SLC43A2: variants seen among roughly 807,000 people sequenced by gnomAD.
SLC43A2 encodes the protein large neutral amino acids transporter small subunit 4.
A neutral mutation model predicts 63.2 loss-of-function variants in SLC43A2; 38 were observed. The observed-to-expected ratio is 0.60, with a 90% CI of 0.46 to 0.79. The LOEUF (loss-of-function observed/expected upper bound fraction) is 0.79. Ranked by LOEUF, SLC43A2 falls within the 30% of genes least tolerant of loss-of-function variation. The pLI is 0.00. For synonymous variants in SLC43A2, 322 were observed against 331.0 expected, an observed-to-expected ratio of 0.97 and a Z score of 0.30; for missense variants, 644 against 756.2, an observed-to-expected ratio of 0.85 and a Z score of 1.74.
chr17:1,570,846 G>C lies in SLC43A2; in HGVS notation c.*4758C>G, dbSNP rs374566059. On this transcript the variant is annotated 3_prime_UTR_variant, in exon 14 of 14. Coordinates refer to ENST00000301335, the MANE Select transcript of SLC43A2 (RefSeq NM_152346.3). ...ATGCGGGTCTTCACTGCGTATCCAC[G>C]TAGCTGCACCACGCAGGCATTCTTT... 6.6e-6 allele frequency: 1 copy of C among 152,284 alleles called. No homozygotes were observed. The highest frequency in any genetic ancestry group is 1.5e-5 in the Non-Finnish European group (1 of 68,102). The allele number at this position is 152,284 out of a possible 1,614,324, so 9.4% of individuals were successfully genotyped here.
Position 1,623,187 on chromosome 17 carries a change from G to A in SLC43A2, c.160+4528C>T, listed in dbSNP as rs1311701794. On this transcript the variant is annotated intron_variant, in intron 2 of 13. Coordinates refer to ENST00000301335, the MANE Select transcript of SLC43A2 (RefSeq NM_152346.3). ...CCACATCTGCAGCTTCACTCAGCCC[G>A]TGGGGATCAAGCCTGGGCCTGCTTC... Among the ~76,000 whole-genome samples the A allele has an allele frequency of 6.6e-5, 10 of 152,226 alleles. No individual in the cohort carries two copies. In the East Asian group the frequency reaches 7.7e-4, roughly 12 times the overall value.
At chr17:1,586,314 G>A (rs2076100674) in intron 9 of SLC43A2, among the ~76,000 whole-genome samples, 1 of 152,098 alleles carries the variant, frequency 6.6e-6, no homozygotes, top group African/African-American at 2.4e-5. Flanking sequence ...GTGTCACAAT[G>A]GCCTTCCCAG....
At chr17:1,586,932 C>G in intron 9 of SLC43A2, 3 of 1,330,018 alleles carry the variant, frequency 2.3e-6, no homozygotes, top group South Asian at 1.3e-5. Context: ...TGACAATCCC[C>G]CCCACCCCCC....
intron 2 of SLC43A2, among the ~76,000 whole-genome samples, chr17:1,620,848 C>A (rs1216171345): frequency 6.6e-6 from 1 of 152,072 alleles, no homozygotes; most frequent in Non-Finnish European, 1.5e-5. Flanking sequence ...GAGAGACAAA[C>A]AGATTAAGCA....
intron 4 of SLC43A2, among the ~76,000 whole-genome samples, chr17:1,613,729 G>C (rs185753153): frequency 6.6e-6 from 1 of 152,172 alleles, no homozygotes; most frequent in African/African-American, 2.4e-5. Context: ...AAGCCACCAT[G>C]CCCAGCCTCC....
Position 1,575,665 on chromosome 17 carries a change from T to A in SLC43A2, c.1649A>T (p.Gln550Leu). The A allele has an allele frequency of 1.9e-6, 3 of 1,614,014 alleles. No homozygotes were observed. Among genetic ancestry groups the A allele is most frequent in the Non-Finnish European group, 2.5e-6 (3 of 1,180,002 alleles). Residue 550 changes from glutamine (Q) to leucine (L), a missense_variant, in exon 14 of 14, where the codon CAG (glutamine) becomes CTG (leucine). By Grantham distance (113) the Gln-to-Leu change is moderately radical. Around this residue, in one of 3 missense-constraint regions of SLC43A2, gnomAD observed 105 missense variants for 101.7 expected, o/e 1.03. Transcript: ENST00000301335. ...TTTGAGGAAGAGTTTGTCATCCTCC[T>A]GCCTCTGCTGCAGCTGCCGCTCCAG... The part of the protein sequence containing the change: ...RQLERQLQQR[Q>L]EDDKLFLKIN...
intron 11 of SLC43A2, among the ~76,000 whole-genome samples, chr17:1,581,823 TGA>T (rs2076019115): frequency 2.0e-5 from 3 of 150,256 alleles, no homozygotes. Flanking sequence ...TTTTTTTTTT[TGA>T]GACACAGCCT....
Position 1,605,090 on chromosome 17 carries a change from G to T in SLC43A2, c.501+8105C>A. Reference sequence around the variant, plus strand: ...CTCACCACCACACTCACAGGTGGGAGTGCAAGCCCCTCTTCCCGCCCTCAG... The same window carrying T: ...CTCACCACCACACTCACAGGTGGGATTGCAAGCCCCTCTTCCCGCCCTCAG... On this transcript the variant is annotated intron_variant, in intron 5 of 13. Coordinates refer to ENST00000301335, the MANE Select transcript of SLC43A2 (RefSeq NM_152346.3). This position sits in a 1 kb window ranked among gnomAD's most constrained non-coding sequence, Gnocchi z 4.9. 2.9e-6 allele frequency: 4 copies of T among 1,370,834 alleles called. No homozygotes were observed. Among genetic ancestry groups the T allele is most frequent in the Non-Finnish European group, 1.9e-6 (2 of 1,059,906 alleles). The allele number at this position is 1,370,834 out of a possible 1,614,324, so 84.9% of individuals were successfully genotyped here.
At chr17:1,615,635 A>G (rs1907539970) in intron 3 of SLC43A2, among the ~76,000 whole-genome samples, 1 of 150,078 alleles carries the variant, frequency 6.7e-6, no homozygotes, top group African/African-American at 2.4e-5. Flanking sequence ...CAAGGTCAGG[A>G]GATCGAGACC....
chr17:1,619,636 G>T (rs1424552902), intron 2 of SLC43A2, among the ~76,000 whole-genome samples: 1 of 152,218 alleles, frequency 6.6e-6, no homozygotes, highest in African/African-American at 2.4e-5. Context: ...CATCCACAGT[G>T]GGGCAGCTTC....
chr17:1,586,936 A>ACCCCCCCCCC, intron 9 of SLC43A2: 1 of 501,650 alleles, frequency 2.0e-6, no homozygotes. Context: ...AATCCCCCCC[A>ACCCCCCCCCC]CCCCCCGCTT....
At position 1,578,415 on chromosome 17, in the gene SLC43A2, G is replaced by T; in HGVS notation, c.1351-92C>A. 7.9e-7 allele frequency: 1 copy of T among 1,263,990 alleles called. No homozygotes were observed. Among genetic ancestry groups the T allele is most frequent in the Non-Finnish European group, 1.1e-6 (1 of 901,168 alleles). The allele number at this position is 1,263,990 out of a possible 1,614,324, so 78.3% of individuals were successfully genotyped here. On this transcript the variant is annotated intron_variant, in intron 11 of 13. Coordinates refer to ENST00000301335, the MANE Select transcript of SLC43A2 (RefSeq NM_152346.3). This position sits in a 1 kb window ranked among gnomAD's most constrained non-coding sequence, Gnocchi z 6.5. ...CAATTCCTGGGGGCCCTCACCCCAG[G>T]GGCAGTGTCAGCCTGGAGTTGGATC...
chr17:1,607,251 A>T (rs909564459), intron 5 of SLC43A2, among the ~76,000 whole-genome samples: 3 of 152,170 alleles, frequency 2.0e-5, no homozygotes, highest in Non-Finnish European at 4.4e-5. Flanking sequence ...TTGTCCCCCA[A>T]ATTAGAACAC....
At chr17:1,592,542 T>C (rs1904917885) in intron 6 of SLC43A2, among the ~76,000 whole-genome samples, 1 of 152,174 alleles carries the variant, frequency 6.6e-6, no homozygotes, top group Non-Finnish European at 1.5e-5. Flanking sequence ...ACCACTTCAA[T>C]GCCCAGGTGG....
intron 5 of SLC43A2, among the ~76,000 whole-genome samples, chr17:1,594,777 A>G (rs999932081): frequency 1.8e-4 from 28 of 151,410 alleles, no homozygotes; most frequent in Non-Finnish European, 2.8e-4. Context: ...TTCAGTAGAG[A>G]CGGGGTTTCA....
At chr17:1,621,637 G>A (rs968942507) in intron 2 of SLC43A2, among the ~76,000 whole-genome samples, 1 of 152,242 alleles carries the variant, frequency 6.6e-6, no homozygotes, top group Non-Finnish European at 1.5e-5. Context: ...CAATGAAAGT[G>A]TGTGCCAGCT....
At chr17:1,616,383 C>T (rs1215392248) in intron 3 of SLC43A2, 179 bp downstream of exon 3, 8 of 640,322 alleles carry the variant, frequency 1.2e-5, no homozygotes, top group Non-Finnish European at 1.9e-5. Flanking sequence ...TGGAGCACGG[C>T]GAGGACCACA....
Position 1,593,490 on chromosome 17 carries a change from T to A in SLC43A2, c.502-211A>T, listed in dbSNP as rs540326869. 2.6e-5 allele frequency among the ~76,000 whole-genome samples: 4 copies of A among 152,190 alleles called. No homozygotes were observed. In the South Asian group the frequency reaches 8.3e-4, roughly 32 times the overall value. On this transcript the variant is annotated intron_variant, in intron 5 of 13. Coordinates refer to ENST00000301335, the MANE Select transcript of SLC43A2 (RefSeq NM_152346.3). The surrounding 1 kb of genome is among the most constrained non-coding windows in gnomAD (Gnocchi z 5.3). Reference sequence around the variant, plus strand: ...CTGATGGGGCCAAGGAGGGAGGTAATGCAGAATACAAGCAGTTGTCTGACT... The same window carrying A: ...CTGATGGGGCCAAGGAGGGAGGTAAAGCAGAATACAAGCAGTTGTCTGACT...
intron 9 of SLC43A2, 49 bp downstream of exon 9, chr17:1,590,753 G>A (rs372358530): frequency 8.5e-5 from 131 of 1,546,376 alleles, no homozygotes; most frequent in Non-Finnish European, 1.1e-4. Context: ...CCAGTGGGCT[G>A]GGCTCAGGCC....
Sources: allele counts gnomAD v4.1 joint callset (sites outside exome capture counted in the v4.1 genomes callset), GRCh38; gene constraint gnomAD v4.1.1; regional missense constraint gnomAD v4.1.1; non-coding constraint Gnocchi (gnomAD v3.1); transcripts MANE v1.5; gene names NCBI Gene and HGNC (gene_info 2026-07-23, HGNC 2026-07-21).